The following SPTLC3 variants were observed in gnomAD, a reference collection of about 807,000 sequenced individuals.
SPTLC3 encodes the protein serine palmitoyltransferase long chain base subunit 3, also known as serine palmitoyltransferase 3.
SPTLC3 carries 36 observed loss-of-function variants against 59.3 expected under a neutral mutation model. That is an observed-to-expected ratio of 0.61 (90% CI 0.47 to 0.80). The LOEUF is 0.80. Among genes scored for constraint, SPTLC3 ranks in the 30% least tolerant of loss-of-function variants. The pLI, the probability that SPTLC3 is intolerant of heterozygous loss-of-function variation, is 0.00. For missense variants in SPTLC3, 625 were observed against 685.1 expected (o/e 0.91, Z 0.98); for synonymous variants, 257 against 240.8 (o/e 1.07, Z -0.62).
chr20:13,145,322 C>G (rs2038484700), intron 9 of SPTLC3, among the ~76,000 whole-genome samples: 1 of 152,216 alleles, frequency 6.6e-6, no homozygotes, highest in African/African-American at 2.4e-5. Flanking sequence ...ACTAAAATCA[C>G]TAGCATTTCT....
At chr20:13,092,847 T>C (rs1989275129) in intron 5 of SPTLC3, among the ~76,000 whole-genome samples, 1 of 152,126 alleles carries the variant, frequency 6.6e-6, no homozygotes, top group Non-Finnish European at 1.5e-5. Flanking sequence ...TTAAGAAGTT[T>C]TACAATTTAG....
At chr20:13,140,649 A>C (rs1178719987) in intron 9 of SPTLC3, among the ~76,000 whole-genome samples, 1 of 152,142 alleles carries the variant, frequency 6.6e-6, no homozygotes, top group African/African-American at 2.4e-5. Flanking sequence ...CAGGATTAAA[A>C]AAACAGCTCT....
chr20:13,162,549 G>A (rs552916003), intron 11 of SPTLC3, among the ~76,000 whole-genome samples: 5 of 152,094 alleles, frequency 3.3e-5, no homozygotes, highest in African/African-American at 1.2e-4. Context: ...GGTAGCAATT[G>A]AACCTAAAGG....
intron 1 of SPTLC3, among the ~76,000 whole-genome samples, chr20:13,044,289 A>G (rs1429596419): frequency 2.6e-5 from 4 of 151,866 alleles, no homozygotes; most frequent in African/African-American, 7.3e-5. Flanking sequence ...TTTAGTAGAG[A>G]CAGAGTTTCA....
At chr20:13,020,368 A>G (rs919934088) in intron 1 of SPTLC3, among the ~76,000 whole-genome samples, 1 of 151,880 alleles carries the variant, frequency 6.6e-6, no homozygotes, top group African/African-American at 2.4e-5. Flanking sequence ...AAGAAAAAAA[A>G]GAAAATTAAT....
intron 1 of SPTLC3, among the ~76,000 whole-genome samples, chr20:13,026,669 G>A (rs1369772880): frequency 6.6e-6 from 1 of 152,136 alleles, no homozygotes; most frequent in East Asian, 1.9e-4. Flanking sequence ...ATTAAGGTTA[G>A]GTGCGAACAA....
chr20:13,106,276 G>C (rs1345166604), intron 6 of SPTLC3, among the ~76,000 whole-genome samples: 1 of 152,146 alleles, frequency 6.6e-6, no homozygotes, highest in African/African-American at 2.4e-5. Flanking sequence ...ATTAGGTAAT[G>C]ATTGAGCCTA....
chr20:13,085,535 T>A (rs1988976335), intron 4 of SPTLC3, among the ~76,000 whole-genome samples: 2 of 152,168 alleles, frequency 1.3e-5, no homozygotes, highest in South Asian at 4.1e-4. Flanking sequence ...TAAGGAACAG[T>A]TTATGAACAG....
chr20:13,009,470 T>C (rs1985115568), intron 1 of SPTLC3, 86 bp downstream of exon 1: 2 of 1,228,396 alleles, frequency 1.6e-6, no homozygotes, highest in Admixed American at 3.8e-5. Context: ...TGTCCTAACT[T>C]AGAGTTCATC....
intron 1 of SPTLC3, among the ~76,000 whole-genome samples, chr20:13,036,529 A>T (rs1317559573): frequency 6.6e-6 from 1 of 152,188 alleles, no homozygotes; most frequent in Non-Finnish European, 1.5e-5. Context: ...AATATAAATA[A>T]CATACAAAAT....
intron 10 of SPTLC3, 131 bp downstream of exon 10, chr20:13,154,269 G>T: frequency 1.7e-6 from 2 of 1,161,274 alleles, no homozygotes; most frequent in Non-Finnish European, 2.4e-6. Context: ...ACGGCTTCTC[G>T]GAAGCCACCT....
At chr20:13,116,971 T>C (rs558123976) in intron 7 of SPTLC3, among the ~76,000 whole-genome samples, 2 of 152,334 alleles carry the variant, frequency 1.3e-5, no homozygotes, top group South Asian at 4.1e-4. Flanking sequence ...AAGTGGGTAT[T>C]GAACAAGAGG....
chr20:13,132,193 T>C (rs1163210132), intron 9 of SPTLC3, among the ~76,000 whole-genome samples: 1 of 145,344 alleles, frequency 6.9e-6, no homozygotes, highest in Non-Finnish European at 1.5e-5. Context: ...TTTTTTTTTT[T>C]TGACATGGAG....
chr20:13,038,403 T>G (rs1280643507), intron 1 of SPTLC3, among the ~76,000 whole-genome samples: 1 of 152,156 alleles, frequency 6.6e-6, no homozygotes, highest in Non-Finnish European at 1.5e-5. Flanking sequence ...CTTATTGAGT[T>G]GGTTTTTTGT....
chr20:13,122,758 C>T (rs1019138030), intron 8 of SPTLC3, among the ~76,000 whole-genome samples: 6 of 152,192 alleles, frequency 3.9e-5, no homozygotes, highest in Non-Finnish European at 5.9e-5. Flanking sequence ...GGTCATTCAA[C>T]CTGTCATCAA....
intron 2 of SPTLC3, among the ~76,000 whole-genome samples, chr20:13,053,177 A>T (rs1052245118): frequency 6.6e-6 from 1 of 152,104 alleles, no homozygotes; most frequent in African/African-American, 2.4e-5. Flanking sequence ...GCCCTCTGGG[A>T]TGAAGCTTCC....
intron 9 of SPTLC3, among the ~76,000 whole-genome samples, chr20:13,131,902 T>C (rs1251165912): frequency 6.6e-6 from 1 of 152,166 alleles, no homozygotes; most frequent in Non-Finnish European, 1.5e-5. Context: ...CTTCTCAGGA[T>C]GTGGTCCTCC....
At chr20:13,157,714 A>C (rs2038807570) in intron 10 of SPTLC3, among the ~76,000 whole-genome samples, 1 of 152,224 alleles carries the variant, frequency 6.6e-6, no homozygotes, top group African/African-American at 2.4e-5. Flanking sequence ...GTTAGTTACA[A>C]AAGGTAATAT....
At chr20:13,086,958 T>C (rs557088608) in intron 4 of SPTLC3, among the ~76,000 whole-genome samples, 1 of 152,106 alleles carries the variant, frequency 6.6e-6, no homozygotes, top group East Asian at 1.9e-4. Flanking sequence ...CCCAGCTACT[T>C]TACTTTTTAT....
Sources: gnomAD v4.1 joint callset for allele counts (sites outside exome capture counted in the v4.1 genomes callset) on GRCh38, gnomAD v4.1.1 for gene constraint, MANE v1.5 for transcripts, NCBI Gene and HGNC (gene_info 2026-07-23, HGNC 2026-07-21) for gene names.